Variants in KIAA1217 observed in about 807,000 individuals in gnomAD.
KIAA1217 encodes sickle tail protein homolog.
KIAA1217 carries 88 observed loss-of-function variants against 163.9 expected under a neutral mutation model. The ratio of observed to expected loss-of-function variants is 0.54; its 90% CI spans 0.45 to 0.64. KIAA1217 has a LOEUF of 0.64. Ranked by LOEUF, KIAA1217 falls within the 30% of genes least tolerant of loss-of-function variation. The pLI is 0.00. For synonymous variants in KIAA1217, 903 were observed against 923.1 expected, an observed-to-expected ratio of 0.98 and a Z score of 0.39; for missense variants, 2,372 against 2,475.0, an observed-to-expected ratio of 0.96 and a Z score of 0.88.
chr10:24,358,140 C>G (rs1423614281), intron 2 of KIAA1217, among the ~76,000 whole-genome samples: 1 of 151,970 alleles, frequency 6.6e-6, no homozygotes, highest in Admixed American at 6.6e-5. Context: ...GATATTCATG[C>G]CTTTGTGATC....
At chr10:24,397,043 T>C (rs566593997) in intron 3 of KIAA1217, among the ~76,000 whole-genome samples, 1 of 152,044 alleles carries the variant, frequency 6.6e-6, no homozygotes, top group South Asian at 2.1e-4. Context: ...TGAAATGAGA[T>C]TAAGGTTGGT....
Position 23,792,876 on chromosome 10 carries a change from A to G in KIAA1217, c.-321+97642A>G, listed in dbSNP as rs114656316. Reference sequence around the variant, plus strand: ...TGTGGCCTTATAACTACTCCATTCTATAGAACTGCATTTCTCTGAGATTTG... The same window carrying G: ...TGTGGCCTTATAACTACTCCATTCTGTAGAACTGCATTTCTCTGAGATTTG... On this transcript the variant is annotated intron_variant, in intron 1 of 18. Transcript: ENST00000376462. Among the ~76,000 whole-genome samples the G allele has an allele frequency of 4.7e-3, 713 of 152,182 alleles. 2 individuals carry two copies. The highest frequency in any genetic ancestry group is 0.017 in the African/African-American group (686 of 41,504).
intron 11 of KIAA1217, among the ~76,000 whole-genome samples, chr10:24,521,131 C>T (rs2071212069): frequency 6.9e-6 from 1 of 144,846 alleles, no homozygotes; most frequent in South Asian, 2.2e-4. Flanking sequence ...GTCAGGAGTT[C>T]GAAACCAGCC....
intron 1 of KIAA1217, among the ~76,000 whole-genome samples, chr10:23,871,145 T>C (rs1416298057): frequency 6.6e-6 from 1 of 152,112 alleles, no homozygotes; most frequent in Admixed American, 6.6e-5. Flanking sequence ...AAAGATTATT[T>C]GTCTTAACTG....
chr10:23,815,276 G>A (rs1223493380), intron 1 of KIAA1217, among the ~76,000 whole-genome samples: 9 of 152,130 alleles, frequency 5.9e-5, no homozygotes, highest in Non-Finnish European at 1.0e-4. Context: ...TGAAAAAAAA[G>A]CATAAAATTG....
chr10:24,310,363 A>G (rs1397463448), intron 2 of KIAA1217, among the ~76,000 whole-genome samples: 7 of 152,218 alleles, frequency 4.6e-5, no homozygotes, highest in East Asian at 1.9e-4. Context: ...TGGTGGAGTA[A>G]CATGCCTAAG....
intron 5 of KIAA1217, among the ~76,000 whole-genome samples, chr10:24,462,087 A>T (rs527659487): frequency 1.1e-4 from 16 of 152,124 alleles, no homozygotes; most frequent in African/African-American, 3.6e-4. Context: ...CATATGTATA[A>T]CTTGTGATAT....
At chr10:24,114,056 C>T (rs777208807) in intron 2 of KIAA1217, among the ~76,000 whole-genome samples, 5 of 152,136 alleles carry the variant, frequency 3.3e-5, no homozygotes, top group Admixed American at 6.5e-5. Context: ...TCTACATCGG[C>T]AAAAGGGATC....
chr10:23,767,733 G>A (rs6482344), intron 1 of KIAA1217, among the ~76,000 whole-genome samples: 51,486 of 151,984 alleles, frequency 0.34, 11,137 homozygotes, highest in African/African-American at 0.61. Flanking sequence ...TGGGGGCAGG[G>A]TTTTAGTGCC....
chr10:24,417,481 G>T (rs1006272170), intron 3 of KIAA1217, among the ~76,000 whole-genome samples: 1 of 152,184 alleles, frequency 6.6e-6, no homozygotes, highest in Admixed American at 6.5e-5. Flanking sequence ...GGGTGGCAAA[G>T]ACCAATCATT....
chr10:24,538,698 C>T (rs2074478496), intron 17 of KIAA1217, among the ~76,000 whole-genome samples: 1 of 149,858 alleles, frequency 6.7e-6, no homozygotes, highest in Admixed American at 6.7e-5. Flanking sequence ...CCCATGAAAC[C>T]ATGTTGGAAA....
intron 2 of KIAA1217, among the ~76,000 whole-genome samples, chr10:24,226,443 G>A (rs997732318): frequency 6.6e-5 from 10 of 151,506 alleles, no homozygotes; most frequent in East Asian, 1.9e-4. Context: ...TGGCTAACAC[G>A]GTGAAACCCC....
rs535623524 is a variant in KIAA1217, at chr10:24,524,440, C to T, written c.2574C>T (p.Thr858=). ...AGAGTCAGGAGGAGGCAGCCCACAC[C>T]TCCGGCCAGCCCTTCCACAGCACAG... ...VLKSQEEAAH[T]SGQPFHSTGA... is the part of the protein sequence containing the mutation. The change falls in exon 13 of 21, where the codon ACC becomes ACT. Residue 858 remains threonine, a synonymous_variant. Coordinates refer to ENST00000376454, the MANE Select transcript of KIAA1217 (RefSeq NM_019590.5). 6 of 1,614,228 alleles carry T rather than the reference C, an allele frequency of 3.7e-6. No individual in the cohort carries two copies. In the East Asian group the frequency reaches 6.7e-5, roughly 18 times the overall value.
intron 2 of KIAA1217, among the ~76,000 whole-genome samples, chr10:24,265,872 T>G (rs2076184768): frequency 6.6e-6 from 1 of 152,012 alleles, no homozygotes; most frequent in Non-Finnish European, 1.5e-5. Context: ...TGAAATAGTG[T>G]AGAGGTGGGA....
intron 1 of KIAA1217, among the ~76,000 whole-genome samples, chr10:23,927,968 A>G (rs1360098633): frequency 6.6e-6 from 1 of 152,226 alleles, no homozygotes; most frequent in Admixed American, 6.5e-5. Flanking sequence ...TGTGCTGTTA[A>G]ACTTTAGGCC....
At chr10:23,987,149 A>T (rs1355255644) in intron 1 of KIAA1217, among the ~76,000 whole-genome samples, 1 of 152,092 alleles carries the variant, frequency 6.6e-6, no homozygotes, top group Admixed American at 6.6e-5. Flanking sequence ...AGGCAGAGGC[A>T]GGTGTATCAC....
chr10:24,415,363 C>A (rs566485431), intron 3 of KIAA1217, among the ~76,000 whole-genome samples: 1 of 152,014 alleles, frequency 6.6e-6, no homozygotes, highest in Non-Finnish European at 1.5e-5. Flanking sequence ...AATCCACCCA[C>A]CTTGGTCTCC....
At chr10:24,342,652 ATTT>A (rs11299912) in intron 2 of KIAA1217, among the ~76,000 whole-genome samples, 1,598 of 93,546 alleles carry the variant, frequency 0.017, 22 homozygotes, top group African/African-American at 0.065. Flanking sequence ...ATACAACTCA[ATTT>A]TTTTTTTTTT....
chr10:24,520,687 C>CAAAAA (rs71472810), intron 11 of KIAA1217, among the ~76,000 whole-genome samples: 1 of 81,500 alleles, frequency 1.2e-5, no homozygotes, highest in Non-Finnish European at 2.3e-5. Flanking sequence ...CACACACACA[C>CAAAAA]AAAAAAAAAT....
Sources: allele counts gnomAD v4.1 joint callset (sites outside exome capture counted in the v4.1 genomes callset), GRCh38; gene constraint gnomAD v4.1.1; transcripts MANE v1.5; gene names NCBI Gene and HGNC (gene_info 2026-07-23, HGNC 2026-07-21).